The following TERF1 variants were observed in gnomAD, a reference collection of about 807,000 sequenced individuals.
TERF1 encodes the protein telomeric repeat binding factor 1.
Under a neutral mutation model 55.1 loss-of-function variants are expected in TERF1, and 20 were observed. That is an observed-to-expected ratio of 0.36 (90% CI 0.26 to 0.53). The LOEUF (loss-of-function observed/expected upper bound fraction) is 0.53. TERF1 is among the 20% of genes least tolerant of loss of function. The pLI is 0.91. For synonymous variants in TERF1, 168 were observed against 181.2 expected (o/e 0.93, Z 0.59); for missense variants, 439 against 535.7 (o/e 0.82, Z 1.78).
chr8:73,026,642 T>A lies in TERF1; in HGVS notation c.775-298T>A, dbSNP rs55905403. Among the ~76,000 whole-genome samples the A allele has an allele frequency of 0.016, 2,436 of 152,126 alleles. 60 individuals are homozygous for A. Among genetic ancestry groups the A allele is most frequent in the African/African-American group, 0.054 (2,243 of 41,468 alleles). ...TGAAAATATCTAGAATTTTTATTTTTTTTTTTTTTCATGCAGCCTTTTCTC... is the reference window on the plus strand; with the variant it reads ...TGAAAATATCTAGAATTTTTATTTTATTTTTTTTTCATGCAGCCTTTTCTC... On this transcript the variant is annotated intron_variant, in intron 5 of 9. Transcript: ENST00000276603.
At chr8:73,017,042 G>A (rs1011496142) in intron 2 of TERF1, among the ~76,000 whole-genome samples, 1 of 152,134 alleles carries the variant, frequency 6.6e-6, no homozygotes, top group Non-Finnish European at 1.5e-5. Flanking sequence ...TCTAGCTGTA[G>A]TGTGAGTGTT....
At chr8:73,027,655 T>G (rs1465688653) in intron 6 of TERF1, among the ~76,000 whole-genome samples, 1 of 152,224 alleles carries the variant, frequency 6.6e-6, no homozygotes, top group African/African-American at 2.4e-5. Context: ...CTTAACATTA[T>G]AAAGATCTTC....
At chr8:73,016,917 C>T (rs771002959) in intron 2 of TERF1, among the ~76,000 whole-genome samples, 3 of 152,144 alleles carry the variant, frequency 2.0e-5, no homozygotes, top group Non-Finnish European at 2.9e-5. Flanking sequence ...ATCAGCAAAT[C>T]GGCAGCTCAC....
chr8:73,008,875 G>A lies in TERF1; in HGVS notation c.-12G>A. 1 of 1,595,216 alleles carries A rather than the reference G, an allele frequency of 6.3e-7. No homozygotes were observed. On this transcript the variant is annotated 5_prime_UTR_variant, in exon 1 of 10. Transcript: ENST00000276603. ...GCGCCTGAAGGGGCAGTACCCAAGCGAGCCATTTAACATGGCGGAGGATGT... is the reference window on the plus strand; with the variant it reads ...GCGCCTGAAGGGGCAGTACCCAAGCAAGCCATTTAACATGGCGGAGGATGT...
intron 8 of TERF1, among the ~76,000 whole-genome samples, chr8:73,036,928 T>C (rs1429026356): frequency 7.0e-6 from 1 of 142,378 alleles, no homozygotes; most frequent in Non-Finnish European, 1.5e-5. Flanking sequence ...ATTTTTAGTT[T>C]AATTCTATTT....
At chr8:73,009,859 G>C (rs1329164907) in intron 1 of TERF1, 1 of 152,436 alleles carries the variant, frequency 6.6e-6, no homozygotes, top group East Asian at 1.9e-4. Context: ...CATGAAATCT[G>C]CTGCACCCCG....
At position 73,030,407 on chromosome 8, in the gene TERF1, T is replaced by A; in HGVS notation, c.947+12T>A. The stretch of plus-strand genomic sequence containing the variant: ...GTATCCTTATTGAGGTGAAGTAAAT[T>A]GACGTTTTTCTTCTTTGTCTTTCAA... On this transcript the variant is annotated intron_variant, in intron 7 of 9. Transcript: ENST00000276603. The A allele has an allele frequency of 6.8e-7, 1 of 1,474,112 alleles. No homozygotes were observed. The highest frequency in any genetic ancestry group is 2.6e-5 in the East Asian group (1 of 38,386). 91.3% of individuals were successfully genotyped at this position (1,474,112 alleles called of 1,614,324 possible). A position where few individuals can be genotyped will look rare whatever the true frequency, so the allele number is the denominator to read the frequency against.
At chr8:73,028,024 A>T (rs1038168257) in intron 6 of TERF1, among the ~76,000 whole-genome samples, 1 of 152,118 alleles carries the variant, frequency 6.6e-6, no homozygotes, top group Non-Finnish European at 1.5e-5. Context: ...CTTTTTTCTA[A>T]ACTCCAATTT....
rs191996587 is a variant in TERF1, at chr8:73,019,576, C to T, written c.416-1108C>T. ...TATTTGTTTTTTCAAGACAAGGTCA[C>T]GCTGGAAGGCTGTGGTGTCATCATC... On this transcript the variant is annotated intron_variant, in intron 2 of 9. Coordinates refer to ENST00000276603, the MANE Select transcript of TERF1 (RefSeq NM_017489.3). Among the ~76,000 whole-genome samples the T allele has an allele frequency of 1.4e-3, 213 of 152,264 alleles. 1 individual carries two copies. Among genetic ancestry groups the T allele is most frequent in the Non-Finnish European group, 1.7e-3 (118 of 68,014 alleles).
chr8:73,037,495 TA>T (rs1241362701), intron 8 of TERF1, among the ~76,000 whole-genome samples: 1 of 110,238 alleles, frequency 9.1e-6, no homozygotes, highest in African/African-American at 3.3e-5. Flanking sequence ...TTATATATAA[TA>T]AATTTATATA....
chr8:73,028,644 G>A (rs1256420167), intron 6 of TERF1, among the ~76,000 whole-genome samples: 1 of 135,768 alleles, frequency 7.4e-6, no homozygotes, highest in African/African-American at 2.8e-5. Context: ...CCACATACAT[G>A]GTACTTTCTA....
intron 6 of TERF1, among the ~76,000 whole-genome samples, chr8:73,029,287 C>T (rs1448742754): frequency 6.6e-6 from 1 of 152,190 alleles, no homozygotes; most frequent in Non-Finnish European, 1.5e-5. Context: ...GGACATCCAT[C>T]CTTCATGAAT....
intron 1 of TERF1, chr8:73,011,487 G>C (rs1161054069): frequency 6.6e-6 from 1 of 152,292 alleles, no homozygotes; most frequent in Non-Finnish European, 1.5e-5. Flanking sequence ...CTGGGAGGTG[G>C]AGGCTGCAGT....
Position 73,014,087 on chromosome 8 carries a change from A to G in TERF1, c.415+97A>G, listed in dbSNP as rs1808390673. On this transcript the variant is annotated intron_variant, in intron 2 of 9. Transcript: ENST00000276603. Reference sequence around the variant, plus strand: ...AGACGTTTTTGGGGGAAGTTTGCCTACAAGTGTCTGGTGCATAGGGGTGTG... The same window carrying G: ...AGACGTTTTTGGGGGAAGTTTGCCTGCAAGTGTCTGGTGCATAGGGGTGTG... 4 of 990,756 alleles carry G rather than the reference A, an allele frequency of 4.0e-6. No homozygotes were observed. In the East Asian group the frequency reaches 1.0e-4, roughly 25 times the overall value. 61.4% of individuals were successfully genotyped at this position (990,756 alleles called of 1,614,324 possible). A position where few individuals can be genotyped will look rare whatever the true frequency, so the allele number is the denominator to read the frequency against.
intron 5 of TERF1, 90 bp from the exon 6 acceptor site, chr8:73,026,850 A>G (rs967000765): frequency 4.1e-6 from 4 of 981,892 alleles, no homozygotes; most frequent in Middle Eastern, 3.1e-4. Context: ...ATGACTATCA[A>G]AGAATTACAA....
intron 6 of TERF1, among the ~76,000 whole-genome samples, chr8:73,028,528 G>A (rs1427760890): frequency 6.7e-6 from 1 of 148,194 alleles, no homozygotes; most frequent in Non-Finnish European, 1.5e-5. Context: ...TACTAGATGA[G>A]TCAGAATTTA....
chr8:73,037,721 T>TA (rs1415409962), intron 8 of TERF1, among the ~76,000 whole-genome samples: 2 of 87,560 alleles, frequency 2.3e-5, no homozygotes, highest in African/African-American at 5.2e-5. Flanking sequence ...ATATATAATA[T>TA]ATATTATATA....
intron 8 of TERF1, among the ~76,000 whole-genome samples, chr8:73,036,208 C>A (rs997195121): frequency 2.0e-5 from 3 of 152,288 alleles, no homozygotes; most frequent in Admixed American, 2.0e-4. Context: ...CAAGCCAGTA[C>A]CCTCTCCCAG....
At chr8:73,022,519 G>T (rs1808808807) in intron 4 of TERF1, among the ~76,000 whole-genome samples, 1 of 152,128 alleles carries the variant, frequency 6.6e-6, no homozygotes. Flanking sequence ...ACTTTGGGAG[G>T]CTGAGGTGGG....
Sources: allele counts gnomAD v4.1 joint callset (sites outside exome capture counted in the v4.1 genomes callset), GRCh38; gene constraint gnomAD v4.1.1; transcripts MANE v1.5; gene names NCBI Gene and HGNC (gene_info 2026-07-23, HGNC 2026-07-21).